MYO16: variants seen among roughly 807,000 people sequenced by gnomAD.
The protein encoded by MYO16 is unconventional myosin-XVI.
A neutral mutation model predicts 205.3 loss-of-function variants in MYO16; 94 were observed. The ratio of observed to expected loss-of-function variants is 0.46; its 90% CI spans 0.39 to 0.54. The LOEUF is 0.54. MYO16 is among the 20% of genes least tolerant of loss of function. The pLI is 0.00. For missense variants in MYO16, 2,315 were observed against 2,387.5 expected, an observed-to-expected ratio of 0.97 and a Z score of 0.63; for synonymous variants, 988 against 954.0, an observed-to-expected ratio of 1.04 and a Z score of -0.66.
chr13:108,781,514 G>T (rs1479961631), intron 4 of MYO16, among the ~76,000 whole-genome samples: 4 of 152,164 alleles, frequency 2.6e-5, no homozygotes, highest in Non-Finnish European at 5.9e-5. Flanking sequence ...TGCACGGCCG[G>T]TTCTCCATTG....
In MYO16 at chr13:109,141,194, C is replaced by G. The variant is rs755273364; in HGVS notation, c.4982C>G (p.Pro1661Arg). ...TCCTTCCCCAAGATCCCATATTCCC[C>G]CGTGAAGGCCACCAGGGCGGACGCC... ...CSSFPKIPYS[P>R]VKATRADARK... Residue 1661 changes from proline (P) to arginine (R), a missense_variant, in exon 32 of 35, where the codon CCC becomes CGC. Physicochemically the swap from Pro to Arg is moderately radical, Grantham distance 103. This residue lies in a region of MYO16 where 1,097 missense variants were observed against 1,092.0 expected (regional missense o/e 1.00). Transcript: ENST00000457511. This position sits in a 1 kb window ranked among gnomAD's most constrained non-coding sequence, Gnocchi z 4.1. 1.2e-6 allele frequency: 2 copies of G among 1,607,444 alleles called. No homozygotes were observed. The highest frequency in any genetic ancestry group is 1.7e-6 in the Non-Finnish European group (2 of 1,176,854).
At chr13:108,910,212 A>G (rs1881191665) in intron 16 of MYO16, 62 bp downstream of exon 16, 2 of 1,492,180 alleles carry the variant, frequency 1.3e-6, no homozygotes, top group African/African-American at 1.4e-5. Flanking sequence ...GCAATTTGGT[A>G]GTCTTAAATT....
intron 2 of MYO16, among the ~76,000 whole-genome samples, chr13:108,666,399 G>T (rs1881732927): frequency 6.6e-6 from 1 of 151,536 alleles, no homozygotes; most frequent in African/African-American, 2.4e-5. Context: ...TTTTTTTAAA[G>T]AATTAGCTAT....
chr13:109,140,565 G>C lies in MYO16; in HGVS notation c.4353G>C (p.Glu1451Asp), dbSNP rs1877007739. The C allele has an allele frequency of 6.5e-7, 1 of 1,538,048 alleles. No individual in the cohort carries two copies. The highest frequency in any genetic ancestry group is 1.9e-5 in the Admixed American group (1 of 51,334). Residue 1451 changes from glutamate (E) to aspartate (D), a missense_variant, in exon 32 of 35, where the codon GAG becomes GAC. By Grantham distance (45) the Glu-to-Asp change is conservative. Transcript: ENST00000457511. This position sits in a 1 kb window ranked among gnomAD's most constrained non-coding sequence, Gnocchi z 8.0. ...GGCCCGATAGCCCGGACCCCGGGGA[G>C]TCCGTGTACGAGGAGATGAAGTGTT... The part of the protein sequence containing the change: ...AARPDSPDPG[E>D]SVYEEMKCCL...
intron 7 of MYO16, among the ~76,000 whole-genome samples, chr13:108,812,140 A>C (rs1350796772): frequency 6.6e-6 from 1 of 152,166 alleles, no homozygotes; most frequent in African/African-American, 2.4e-5. Context: ...TTGCACGGCT[A>C]CATTGAGATG....
chr13:108,551,695 A>G, the MYO16 span, among the ~76,000 whole-genome samples: 1 of 152,172 alleles, frequency 6.6e-6, no homozygotes, highest in African/African-American at 2.4e-5. Context: ...TTCACCCCCA[A>G]GATTTGTAGG....
At chr13:108,594,931 G>A (rs1375051073), upstream of MYO16, among the ~76,000 whole-genome samples, 2 of 152,274 alleles carry the variant, frequency 1.3e-5, no homozygotes, top group Middle Eastern at 3.4e-3. Context: ...CTGAGGGAGA[G>A]GAATAATTTT....
chr13:108,606,871 A>G (rs1878979455), intron 1 of MYO16, among the ~76,000 whole-genome samples: 1 of 152,156 alleles, frequency 6.6e-6, no homozygotes, highest in Admixed American at 6.5e-5. Flanking sequence ...TGTACCCTGC[A>G]AAGCTACAGG....
intron 2 of MYO16, among the ~76,000 whole-genome samples, chr13:108,700,734 A>C (rs1407543378): frequency 6.6e-6 from 1 of 152,250 alleles, no homozygotes; most frequent in African/African-American, 2.4e-5. Context: ...AATTGGTACA[A>C]ACAGGAAGCT....
chr13:108,644,821 T>C (rs1238048503), intron 1 of MYO16, among the ~76,000 whole-genome samples: 4 of 152,204 alleles, frequency 2.6e-5, no homozygotes, highest in Non-Finnish European at 4.4e-5. Context: ...CAGAAGACAC[T>C]GGTTTAAAAA....
chr13:108,859,711 A>G (rs989642691), intron 11 of MYO16, among the ~76,000 whole-genome samples: 6 of 152,168 alleles, frequency 3.9e-5, no homozygotes, highest in Non-Finnish European at 8.8e-5. Flanking sequence ...CAGCAGCCCC[A>G]GAGAGAACAG....
At chr13:108,565,750 A>G in the MYO16 span, among the ~76,000 whole-genome samples, 1 of 152,170 alleles carries the variant, frequency 6.6e-6, no homozygotes, top group Non-Finnish European at 1.5e-5. Context: ...GCATCCTGTT[A>G]TATTTCAGAT....
intron 1 of MYO16, among the ~76,000 whole-genome samples, chr13:108,659,124 TA>T (rs1566533932): frequency 6.6e-6 from 1 of 150,940 alleles, no homozygotes; most frequent in African/African-American, 2.4e-5. Flanking sequence ...AGTTATAACA[TA>T]ATGTCTCGAC....
At chr13:108,975,372 TAAATC>T (rs1243381258) in intron 20 of MYO16, among the ~76,000 whole-genome samples, 1 of 152,142 alleles carries the variant, frequency 6.6e-6, no homozygotes, top group Admixed American at 6.6e-5. Flanking sequence ...TTTTATAAAA[TAAATC>T]AGATGCAATT....
intron 4 of MYO16, among the ~76,000 whole-genome samples, chr13:108,771,660 C>G (rs979946416): frequency 1.3e-5 from 2 of 152,122 alleles, no homozygotes; most frequent in African/African-American, 4.8e-5. Context: ...CACCACCCGA[C>G]CCATCTCCTG....
chr13:108,987,914 T>C (rs1884693496), intron 20 of MYO16, among the ~76,000 whole-genome samples: 1 of 152,216 alleles, frequency 6.6e-6, no homozygotes, highest in South Asian at 2.1e-4. Flanking sequence ...TATATCTATC[T>C]ACATAAAAGG....
intron 23 of MYO16, among the ~76,000 whole-genome samples, chr13:109,029,559 C>A (rs1192241138): frequency 6.6e-6 from 1 of 152,122 alleles, no homozygotes; most frequent in African/African-American, 2.4e-5. Flanking sequence ...ATCAACAGGG[C>A]AGTTTTCATT....
intron 16 of MYO16, among the ~76,000 whole-genome samples, chr13:108,953,598 T>C (rs1197132301): frequency 6.6e-6 from 1 of 151,966 alleles, no homozygotes; most frequent in Non-Finnish European, 1.5e-5. Flanking sequence ...TTGTCAAATA[T>C]TACTTAAATA....
chr13:108,541,960 G>A, the MYO16 span, among the ~76,000 whole-genome samples: 1 of 152,018 alleles, frequency 6.6e-6, no homozygotes, highest in Non-Finnish European at 1.5e-5. Flanking sequence ...CCCACTGCTG[G>A]GTATTTACTC....
Sources: gnomAD v4.1 joint callset for allele counts (sites outside exome capture counted in the v4.1 genomes callset) on GRCh38, gnomAD v4.1.1 for gene constraint, gnomAD v4.1.1 regional missense constraint, Gnocchi (gnomAD v3.1) non-coding constraint, MANE v1.5 for transcripts, NCBI Gene and HGNC (gene_info 2026-07-23, HGNC 2026-07-21) for gene names.